SGCZ: variants seen among roughly 807,000 people sequenced by gnomAD.
The protein encoded by SGCZ is zeta-sarcoglycan.
SGCZ carries 40 observed loss-of-function variants against 41.3 expected under a neutral mutation model. The ratio of observed to expected loss-of-function variants is 0.97; its 90% CI spans 0.75 to 1.26. The LOEUF is 1.26. Ranked by LOEUF, SGCZ falls within the 50% of genes most tolerant of loss-of-function variation. SGCZ has a pLI of 0.00. For synonymous variants in SGCZ, 206 were observed against 137.5 expected, an observed-to-expected ratio of 1.50 and a Z score of -3.49; for missense variants, 552 against 369.8, an observed-to-expected ratio of 1.49 and a Z score of -4.04.
intron 2 of SGCZ, among the ~76,000 whole-genome samples, chr8:14,426,408 A>T (rs1054784736): frequency 1.1e-4 from 16 of 151,396 alleles, no homozygotes; most frequent in Non-Finnish European, 2.2e-4. Flanking sequence ...TGATCTTCAT[A>T]AAAAAAGTAT....
At chr8:14,504,360 T>G (rs74973474) in intron 2 of SGCZ, among the ~76,000 whole-genome samples, 3,880 of 152,312 alleles carry the variant, frequency 0.025, 117 homozygotes, top group African/African-American at 0.07. Context: ...TGATTAGTTA[T>G]CTGCTCCAAA....
At chr8:14,780,674 G>C (rs148991796) in intron 1 of SGCZ, among the ~76,000 whole-genome samples, 2 of 151,950 alleles carry the variant, frequency 1.3e-5, no homozygotes, top group African/African-American at 4.8e-5. Context: ...ACTAAATTCA[G>C]ATTTAAGCTA....
chr8:14,428,195 T>G (rs994228309), intron 2 of SGCZ, among the ~76,000 whole-genome samples: 2 of 151,490 alleles, frequency 1.3e-5, no homozygotes, highest in Non-Finnish European at 2.9e-5. Context: ...TATATGCACA[T>G]AAGCACATAA....
chr8:14,215,501 A>G (rs184657353), intron 4 of SGCZ, among the ~76,000 whole-genome samples: 2 of 151,984 alleles, frequency 1.3e-5, no homozygotes, highest in African/African-American at 4.8e-5. Flanking sequence ...GGCAGAAAGA[A>G]AAAAAAAGAA....
intron 1 of SGCZ, among the ~76,000 whole-genome samples, chr8:14,869,315 T>C (rs1042014406): frequency 6.6e-6 from 1 of 152,130 alleles, no homozygotes; most frequent in Non-Finnish European, 1.5e-5. Context: ...ATCCATCACA[T>C]ATACAGAATC....
At chr8:14,493,412 G>T (rs1403768765) in intron 2 of SGCZ, among the ~76,000 whole-genome samples, 3 of 84,478 alleles carry the variant, frequency 3.6e-5, no homozygotes, top group Non-Finnish European at 4.7e-5. Flanking sequence ...GTGTTGCCAG[G>T]CTGGAGTACA....
rs771647657 is a variant in SGCZ at position 14,554,750 on chromosome 8, T to G, written c.216A>C (p.Lys72Asn). 6.2e-7 allele frequency: 1 copy of G among 1,612,662 alleles called. No homozygotes were observed. Among genetic ancestry groups the G allele is most frequent in the Admixed American group, 1.7e-5 (1 of 59,818 alleles). Residue 72 changes from lysine to asparagine, a missense_variant, in exon 2 of 8, where the codon AAA (lysine) becomes AAC (asparagine). Physicochemically the swap from Lys to Asn is moderately conservative, Grantham distance 94. Transcript: ENST00000382080. ...VNLAMTIWIL[K>N]VMNFTVDGMG... The stretch of plus-strand genomic sequence containing the variant: ...TACTTACCACAGTGAAATTCATAAC[T>G]TTCAATATCCATATTGTCATGGCTA...
chr8:15,139,306 G>A (rs1166945052), intron 1 of SGCZ, among the ~76,000 whole-genome samples: 8 of 152,164 alleles, frequency 5.3e-5, no homozygotes, highest in African/African-American at 1.7e-4. Context: ...TCAGTCATGG[G>A]AGAGGACGGG....
At chr8:15,137,573 T>C (rs896101067) in intron 1 of SGCZ, among the ~76,000 whole-genome samples, 1 of 152,148 alleles carries the variant, frequency 6.6e-6, no homozygotes, top group African/African-American at 2.4e-5. Flanking sequence ...CTTCATACCC[T>C]GTGTCCCAGA....
At chr8:14,210,739 T>C (rs1805777298) in intron 4 of SGCZ, among the ~76,000 whole-genome samples, 1 of 152,182 alleles carries the variant, frequency 6.6e-6, no homozygotes, top group South Asian at 2.1e-4. Flanking sequence ...AGTGCTAGGA[T>C]TACAGGCGTG....
chr8:14,798,893 A>G (rs935611424), intron 1 of SGCZ, among the ~76,000 whole-genome samples: 1 of 150,668 alleles, frequency 6.6e-6, no homozygotes, highest in Non-Finnish European at 1.5e-5. Context: ...GCTTTTTAAT[A>G]TGTTACATAA....
At chr8:14,887,565 T>A (rs1007790921) in intron 1 of SGCZ, among the ~76,000 whole-genome samples, 9 of 152,158 alleles carry the variant, frequency 5.9e-5, no homozygotes, top group Non-Finnish European at 1.0e-4. Flanking sequence ...AATATATCTA[T>A]ACACATACAT....
At chr8:14,545,060 G>A (rs561357881) in intron 2 of SGCZ, among the ~76,000 whole-genome samples, 2 of 152,140 alleles carry the variant, frequency 1.3e-5, no homozygotes, top group Admixed American at 6.5e-5. Flanking sequence ...CACCCCTAGC[G>A]GCCCAGCTGT....
At chr8:14,435,152 G>A (rs561257573) in intron 2 of SGCZ, among the ~76,000 whole-genome samples, 11 of 152,164 alleles carry the variant, frequency 7.2e-5, no homozygotes, top group African/African-American at 2.7e-4. Flanking sequence ...CAGGGCAAAC[G>A]CTGCAGCTGC....
At chr8:14,721,983 C>T (rs965324927) in intron 1 of SGCZ, among the ~76,000 whole-genome samples, 3 of 152,152 alleles carry the variant, frequency 2.0e-5, no homozygotes, top group Non-Finnish European at 4.4e-5. Context: ...TACCCTCTCT[C>T]AGGTGTTTCT....
chr8:15,215,572 T>C (rs992814853), intron 1 of SGCZ, among the ~76,000 whole-genome samples: 2 of 152,170 alleles, frequency 1.3e-5, no homozygotes, highest in Non-Finnish European at 2.9e-5. Flanking sequence ...CAGGGCCAGC[T>C]GGAGGTAAGA....
chr8:14,620,757 T>C (rs1284064412), intron 1 of SGCZ, among the ~76,000 whole-genome samples: 4 of 152,144 alleles, frequency 2.6e-5, no homozygotes, highest in Non-Finnish European at 2.9e-5. Flanking sequence ...TCACACCAGT[T>C]AGAACGGCGA....
At chr8:15,200,917 C>G (rs1033674856) in intron 1 of SGCZ, among the ~76,000 whole-genome samples, 5 of 152,170 alleles carry the variant, frequency 3.3e-5, no homozygotes, top group African/African-American at 9.7e-5. Context: ...AATGTACATT[C>G]TGTTGGTCTC....
At chr8:14,352,053 CAGT>C (rs1803119642) in intron 2 of SGCZ, among the ~76,000 whole-genome samples, 1 of 152,012 alleles carries the variant, frequency 6.6e-6, no homozygotes, top group African/African-American at 2.4e-5. Context: ...TAGTTGTAAA[CAGT>C]AGTATTATTT....
Sources: allele counts gnomAD v4.1 joint callset (sites outside exome capture counted in the v4.1 genomes callset), GRCh38; gene constraint gnomAD v4.1.1; transcripts MANE v1.5; gene names NCBI Gene and HGNC (gene_info 2026-07-23, HGNC 2026-07-21).